Variants in LAMA2 observed in about 807,000 individuals in gnomAD.
LAMA2 encodes laminin subunit alpha 2.
A neutral mutation model predicts 364.8 loss-of-function variants in LAMA2; 269 were observed. The ratio of observed to expected loss-of-function variants is 0.74; its 90% confidence interval spans 0.67 to 0.82. The LOEUF is 0.82. Among genes scored for constraint, LAMA2 ranks in the 40% least tolerant of loss-of-function variants. The pLI, the probability that LAMA2 is intolerant of heterozygous loss-of-function variation, is 0.00. For missense variants in LAMA2, 3,807 were observed against 3,873.2 expected (o/e 0.98, Z 0.45); for synonymous variants, 1,379 against 1,370.6 (o/e 1.01, Z -0.14).
At chr6:129,276,132 T>A (rs1426075256) in intron 17 of LAMA2, among the ~76,000 whole-genome samples, 2 of 152,048 alleles carry the variant, frequency 1.3e-5, no homozygotes, top group Non-Finnish European at 2.9e-5. Context: ...TTCCTCTCAG[T>A]CCCTGCCCCT....
intron 9 of LAMA2, among the ~76,000 whole-genome samples, chr6:129,171,330 G>A (rs1472765780): frequency 5.9e-5 from 9 of 152,126 alleles, no homozygotes; most frequent in African/African-American, 1.9e-4. Flanking sequence ...TCCTTTCCAT[G>A]TTTAGTGCTT....
chr6:129,016,335 A>T (rs754914777), intron 1 of LAMA2, among the ~76,000 whole-genome samples: 1 of 152,060 alleles, frequency 6.6e-6, no homozygotes, highest in Non-Finnish European at 1.5e-5. Context: ...ACTTGTAAGC[A>T]TATACTCAAG....
In LAMA2 at chr6:129,293,632, A is replaced by G. The variant is rs558346281; in HGVS notation, c.2856+1912A>G. ...ATTACAAAAGTGTGGTTCTCATATC[A>G]CAGGACAAAACAAAACAAATGCTGG... On this transcript the variant is annotated intron_variant, in intron 20 of 64. Coordinates refer to ENST00000421865, the MANE Select transcript of LAMA2 (RefSeq NM_000426.4). Among the ~76,000 whole-genome samples the G allele has an allele frequency of 2.6e-5, 4 of 152,332 alleles. No individual in the cohort carries two copies. In the East Asian group the frequency reaches 7.7e-4, roughly 29 times the overall value.
intron 7 of LAMA2, 143 bp downstream of exon 7, chr6:129,149,239 G>T (rs555854488): frequency 7.2e-6 from 5 of 698,784 alleles, no homozygotes; most frequent in Non-Finnish European, 1.3e-5. Context: ...CAACCCATAT[G>T]TCTAGCTTTT....
chr6:128,901,501 T>C lies in LAMA2; in HGVS notation c.112+18144T>C, dbSNP rs58656243. Among the ~76,000 whole-genome samples the C allele has an allele frequency of 1.2e-4, 19 of 152,220 alleles. No homozygotes were observed. In the East Asian group the frequency reaches 3.7e-3, roughly 29 times the overall value. ...CTTATATACTACCATACTTAAAAGGTTAGTGAAGAGGCATAGAAAGAGTAG... is the reference window on the plus strand; with the variant it reads ...CTTATATACTACCATACTTAAAAGGCTAGTGAAGAGGCATAGAAAGAGTAG... On this transcript the variant is annotated intron_variant, in intron 1 of 64. Transcript: ENST00000421865.
intron 2 of LAMA2, among the ~76,000 whole-genome samples, chr6:129,056,140 C>T (rs55910907): frequency 0.015 from 2,343 of 152,214 alleles, 33 homozygotes; most frequent in South Asian, 0.047. Flanking sequence ...ACATATTAAA[C>T]GCACAATCTG....
intron 3 of LAMA2, among the ~76,000 whole-genome samples, chr6:129,095,842 G>A (rs1042803149): frequency 6.6e-6 from 1 of 151,608 alleles, no homozygotes; most frequent in Non-Finnish European, 1.5e-5. Context: ...AGAATTGCTT[G>A]AACCTGGGAG....
At chr6:128,957,940 G>A (rs947532863) in intron 1 of LAMA2, among the ~76,000 whole-genome samples, 1 of 140,622 alleles carries the variant, frequency 7.1e-6, no homozygotes, top group African/African-American at 2.6e-5. Flanking sequence ...TCATCTGCAA[G>A]TTTGAGGTTT....
intron 49 of LAMA2, among the ~76,000 whole-genome samples, chr6:129,462,654 C>G (rs4897325): frequency 0.64 from 97,585 of 151,754 alleles, 32,118 homozygotes; most frequent in African/African-American, 0.79. Context: ...TAATTACACA[C>G]TTGTGTAAGT....
At chr6:129,225,963 G>T (rs1784238026) in intron 12 of LAMA2, among the ~76,000 whole-genome samples, 1 of 152,128 alleles carries the variant, frequency 6.6e-6, no homozygotes, top group African/African-American at 2.4e-5. Flanking sequence ...TATTGTGTGG[G>T]AGTCTAAGTC....
At chr6:129,217,190 A>AG (rs1783481857) in intron 12 of LAMA2, among the ~76,000 whole-genome samples, 1 of 151,706 alleles carries the variant, frequency 6.6e-6, no homozygotes, top group South Asian at 2.1e-4. Flanking sequence ...TCCATCTCAA[A>AG]AAAAAAATAA....
chr6:129,288,171 T>C lies in LAMA2; in HGVS notation c.2749+113T>C, dbSNP rs879005877. 3.5e-6 allele frequency: 3 copies of C among 852,904 alleles called. No individual in the cohort carries two copies. In the South Asian group the frequency reaches 4.1e-5, roughly 12 times the overall value. The allele number at this position is 852,904 out of a possible 1,614,324, so 52.8% of individuals were successfully genotyped here. ...TAGGAAATTATGTGGAATACATGGT[T>C]GATAGATGCATAGAATATACAGAGT... On this transcript the variant is annotated intron_variant, in intron 19 of 64. Transcript: ENST00000421865.
At chr6:129,489,598 A>T (rs1257341254) in intron 56 of LAMA2, among the ~76,000 whole-genome samples, 2 of 152,220 alleles carry the variant, frequency 1.3e-5, no homozygotes, top group East Asian at 1.9e-4. Flanking sequence ...TTCTTCACAC[A>T]GGTACAGAAA....
intron 18 of LAMA2, among the ~76,000 whole-genome samples, chr6:129,283,781 T>C (rs553707894): frequency 6.6e-6 from 1 of 152,004 alleles, no homozygotes; most frequent in Non-Finnish European, 1.5e-5. Flanking sequence ...ATCACCCCTC[T>C]GCTTACTATG....
chr6:128,915,390 G>A lies in LAMA2; in HGVS notation c.112+32033G>A, dbSNP rs146131857. On this transcript the variant is annotated intron_variant, in intron 1 of 64. Coordinates refer to ENST00000421865, the MANE Select transcript of LAMA2 (RefSeq NM_000426.4). Reference sequence around the variant, plus strand: ...CTTGGAAGAGGTGTGGGAGAACAAGGTGAGAGCTAAGGAAGGAATTCTATG... The same window carrying A: ...CTTGGAAGAGGTGTGGGAGAACAAGATGAGAGCTAAGGAAGGAATTCTATG... 1.8e-3 allele frequency among the ~76,000 whole-genome samples: 269 copies of A among 152,272 alleles called. 2 individuals carry two copies. Among genetic ancestry groups the A allele is most frequent in the Non-Finnish European group, 3.0e-3 (207 of 67,986 alleles).
At chr6:129,474,906 T>C (rs552618957) in intron 52 of LAMA2, among the ~76,000 whole-genome samples, 1 of 152,298 alleles carries the variant, frequency 6.6e-6, no homozygotes, top group South Asian at 2.1e-4. Flanking sequence ...GGTATATTTG[T>C]GATTGATAAA....
chr6:129,501,341 T>C (rs1785620337), intron 58 of LAMA2, among the ~76,000 whole-genome samples: 1 of 151,850 alleles, frequency 6.6e-6, no homozygotes, highest in Non-Finnish European at 1.5e-5. Flanking sequence ...TTTGCATAGC[T>C]GTGTGAATTT....
At chr6:128,997,416 TG>T (rs1784044591) in intron 1 of LAMA2, among the ~76,000 whole-genome samples, 1 of 151,578 alleles carries the variant, frequency 6.6e-6, no homozygotes, top group Admixed American at 6.6e-5. Context: ...GGATGGCCAA[TG>T]TGACTAGAGT....
At chr6:129,065,837 T>C (rs889900906) in intron 3 of LAMA2, among the ~76,000 whole-genome samples, 13 of 151,850 alleles carry the variant, frequency 8.6e-5, no homozygotes, top group Non-Finnish European at 1.5e-4. Context: ...GCTGTTGTCG[T>C]GGTAGTGAAA....
Sources: allele counts gnomAD v4.1 joint callset (sites outside exome capture counted in the v4.1 genomes callset), GRCh38; gene constraint gnomAD v4.1.1; transcripts MANE v1.5; gene names NCBI Gene and HGNC (gene_info 2026-07-23, HGNC 2026-07-21).